Variants in EPHA5 observed in about 807,000 individuals in gnomAD.
The protein encoded by EPHA5 is EPH receptor A5, also known as ephrin type-A receptor 5.
EPHA5 carries 60 observed loss-of-function variants against 105.0 expected under a neutral mutation model. That is an observed-to-expected ratio of 0.57 (90% CI 0.46 to 0.71). The LOEUF is 0.71. Ranked by LOEUF, EPHA5 falls within the 30% of genes least tolerant of loss-of-function variation. The pLI is 0.00. For missense variants in EPHA5, 1,218 were observed against 1,274.7 expected (o/e 0.96, Z 0.68); for synonymous variants, 513 against 449.1 (o/e 1.14, Z -1.80).
At chr4:65,669,313 GC>G (rs1750246263) in intron 1 of EPHA5, 3 of 859,836 alleles carry the variant, frequency 3.5e-6, no homozygotes, top group African/African-American at 1.8e-5. Flanking sequence ...CACCTTCCCA[GC>G]CCCCCAACCA....
chr4:65,592,088 G>T (rs1742719632), intron 3 of EPHA5, among the ~76,000 whole-genome samples: 1 of 151,954 alleles, frequency 6.6e-6, no homozygotes, highest in Non-Finnish European at 1.5e-5. Flanking sequence ...TAGAATTCGT[G>T]AGTTTTCAGA....
intron 3 of EPHA5, among the ~76,000 whole-genome samples, chr4:65,517,840 C>A (rs1333547947): frequency 6.6e-6 from 1 of 151,808 alleles, no homozygotes; most frequent in East Asian, 1.9e-4. Context: ...CAAAGTTTAA[C>A]AGACAATGTA....
chr4:65,602,270 G>A lies in EPHA5; in HGVS notation c.281C>T (p.Ala94Val), dbSNP rs2149442075. ...EEIGEVDENY[A>V]PIHTYQVCKV... ...GCATACTTGGTATGTGTGGATAGGG[G>A]CATAATTTTCATCCACTTCACCAAT... Residue 94 changes from alanine to valine, a missense_variant, in exon 3 of 17, where the codon GCC becomes GTC. Physicochemically the swap from Ala to Val is moderately conservative, Grantham distance 64. Transcript: ENST00000613740. The A allele has an allele frequency of 1.9e-6, 3 of 1,604,456 alleles. No individual in the cohort carries two copies. The highest frequency in any genetic ancestry group is 2.5e-6 in the Non-Finnish European group (3 of 1,176,772).
chr4:65,650,987 T>C (rs1748559690), intron 1 of EPHA5, among the ~76,000 whole-genome samples: 1 of 152,186 alleles, frequency 6.6e-6, no homozygotes, highest in African/African-American at 2.4e-5. Context: ...TCAGCAAAAA[T>C]GAACTTATTT....
At chr4:65,593,594 G>A (rs909004405) in intron 3 of EPHA5, among the ~76,000 whole-genome samples, 6 of 151,782 alleles carry the variant, frequency 4.0e-5, no homozygotes, top group African/African-American at 1.5e-4. Flanking sequence ...CAATGCTGCC[G>A]GTCCATGTAT....
chr4:65,662,644 C>A (rs1266598258), intron 1 of EPHA5, among the ~76,000 whole-genome samples: 1 of 151,996 alleles, frequency 6.6e-6, no homozygotes, highest in East Asian at 1.9e-4. Context: ...TTTCTTTAGG[C>A]TGGGGTTTTA....
At chr4:65,666,056 G>A (rs1251686975) in intron 1 of EPHA5, among the ~76,000 whole-genome samples, 1 of 152,064 alleles carries the variant, frequency 6.6e-6, no homozygotes, top group Non-Finnish European at 1.5e-5. Context: ...TCTATTTTAT[G>A]GGCCTGGTTC....
Position 65,455,059 on chromosome 4 carries a change from C to T in EPHA5, c.1403-34494G>A, listed in dbSNP as rs531104992. ...AGGAGATCGAGACCATGGTGAAACC[C>T]TGTCTCTACTAAAAATACAAAAAAT... On this transcript the variant is annotated intron_variant, in intron 5 of 16. Transcript: ENST00000613740. Among the ~76,000 whole-genome samples, 46 of 152,084 alleles carry T rather than the reference C, an allele frequency of 3.0e-4. 1 individual carries two copies. Among genetic ancestry groups the T allele is most frequent in the Non-Finnish European group, 2.4e-4 (16 of 67,982 alleles).
intron 9 of EPHA5, among the ~76,000 whole-genome samples, chr4:65,366,746 AAC>A (rs1303877425): frequency 1.3e-5 from 2 of 152,000 alleles, no homozygotes; most frequent in African/African-American, 4.8e-5. Flanking sequence ...GAGTGAAAAA[AAC>A]AAATATATTT....
At chr4:65,625,574 C>G (rs1454408507) in intron 2 of EPHA5, among the ~76,000 whole-genome samples, 1 of 152,012 alleles carries the variant, frequency 6.6e-6, no homozygotes, top group Non-Finnish European at 1.5e-5. Flanking sequence ...ATATTATAAT[C>G]TTTAGTAAGT....
chr4:65,428,040 A>G (rs1203736561), intron 5 of EPHA5, among the ~76,000 whole-genome samples: 1 of 152,126 alleles, frequency 6.6e-6, no homozygotes, highest in African/African-American at 2.4e-5. Context: ...AGACATACAT[A>G]CATCTCTAAG....
intron 3 of EPHA5, among the ~76,000 whole-genome samples, chr4:65,574,677 TAC>T (rs1230164783): frequency 9.1e-4 from 32 of 35,202 alleles, no homozygotes; most frequent in African/African-American, 2.5e-3. Flanking sequence ...CACATATATA[TAC>T]ATATATATAC....
Position 65,465,514 on chromosome 4 carries a change from A to G in EPHA5, c.1402+24863T>C, listed in dbSNP as rs571985159. 2.4e-3 allele frequency among the ~76,000 whole-genome samples: 310 copies of G among 127,002 alleles called. 9 individuals are homozygous for G. Among genetic ancestry groups the G allele is most frequent in the Middle Eastern group, 3.9e-3 (1 of 256 alleles). The allele number at this position is 127,002 out of a possible 152,430, so 83.3% of individuals were successfully genotyped here. The stretch of plus-strand genomic sequence containing the variant: ...AAGAAAGAAAGAAAGAAAGAAAGAA[A>G]GAAAGAAAGAAAGAAAAGAAAGGAA... On this transcript the variant is annotated intron_variant, in intron 5 of 16. Transcript: ENST00000613740.
At chr4:65,339,521 A>G (rs925905440) in intron 14 of EPHA5, among the ~76,000 whole-genome samples, 1 of 152,190 alleles carries the variant, frequency 6.6e-6, no homozygotes, top group African/African-American at 2.4e-5. Flanking sequence ...TAAATAAACA[A>G]GAGTTAAGCT....
At chr4:65,359,147 T>C (rs1723583755) in intron 11 of EPHA5, among the ~76,000 whole-genome samples, 1 of 151,624 alleles carries the variant, frequency 6.6e-6, no homozygotes, top group Admixed American at 6.6e-5. Flanking sequence ...TTTTTTCAGA[T>C]GATTGAGATT....
At chr4:65,338,189 A>AT (rs1309871042) in intron 14 of EPHA5, among the ~76,000 whole-genome samples, 2 of 152,108 alleles carry the variant, frequency 1.3e-5, no homozygotes. Context: ...ATAAAGAAAT[A>AT]TTTTTAAAAA....
At chr4:65,343,572 T>C (rs1343868361) in intron 14 of EPHA5, among the ~76,000 whole-genome samples, 1 of 152,210 alleles carries the variant, frequency 6.6e-6, no homozygotes, top group Non-Finnish European at 1.5e-5. Flanking sequence ...CTTTGTTTTC[T>C]GAGAATTTTT....
intron 3 of EPHA5, among the ~76,000 whole-genome samples, chr4:65,500,116 A>G (rs1469196479): frequency 6.6e-6 from 1 of 151,568 alleles, no homozygotes; most frequent in Non-Finnish European, 1.5e-5. Context: ...AGAAATAATT[A>G]TCTAGATAAG....
rs1321927562 is a variant in EPHA5, at chr4:65,615,064, A to G, written c.247-12760T>C. 5.3e-5 allele frequency among the ~76,000 whole-genome samples: 8 copies of G among 151,872 alleles called. No individual in the cohort carries two copies. The East Asian group carries it at 1.5e-3, about 29-fold the overall frequency. ...TTTACAAAGAATGCAATTATGCTAA[A>G]TTGTGTTTTGTTACATTCATAACAA... On this transcript the variant is annotated intron_variant, in intron 2 of 16. Transcript: ENST00000613740.
Sources: gnomAD v4.1 joint callset for allele counts (sites outside exome capture counted in the v4.1 genomes callset) on GRCh38, gnomAD v4.1.1 for gene constraint, MANE v1.5 for transcripts, NCBI Gene and HGNC (gene_info 2026-07-23, HGNC 2026-07-21) for gene names.